The following PLEKHA3 variants were observed in gnomAD, a reference collection of about 807,000 sequenced individuals.
PLEKHA3 encodes the protein pleckstrin homology domain-containing family A member 3.
Under a neutral mutation model 39.2 loss-of-function variants are expected in PLEKHA3, and 19 were observed. The observed-to-expected ratio is 0.48, with a 90% CI of 0.34 to 0.71. The LOEUF is 0.71. PLEKHA3 is among the 30% of genes least tolerant of loss of function. The pLI is 0.01. For missense variants in PLEKHA3, 253 were observed against 359.5 expected (o/e 0.70, Z 2.40); for synonymous variants, 97 against 118.6 (o/e 0.82, Z 1.18).
At chr2:178,503,059 T>C (rs1385523934) in intron 7 of PLEKHA3, among the ~76,000 whole-genome samples, 2 of 152,064 alleles carry the variant, frequency 1.3e-5, no homozygotes, top group Non-Finnish European at 2.9e-5. Flanking sequence ...ACTGCTTCTA[T>C]TTTCTTTAAC....
At chr2:178,492,655 A>G (rs73036332) in intron 3 of PLEKHA3, among the ~76,000 whole-genome samples, 13,816 of 151,744 alleles carry the variant, frequency 0.091, 1,289 homozygotes, top group African/African-American at 0.24. Context: ...CTAATCACAG[A>G]AGGACATATA....
rs1485409009 is a variant in PLEKHA3, at chr2:178,506,940, T to A, written c.*3053T>A. ...TTTGAATTCATGTTGAATTCTTAACTTGAAATTCTGTTGTTTTTTTTTTAA... is the reference window on the plus strand; with the variant it reads ...TTTGAATTCATGTTGAATTCTTAACATGAAATTCTGTTGTTTTTTTTTTAA... On this transcript the variant is annotated 3_prime_UTR_variant, in exon 8 of 8. Coordinates refer to ENST00000234453, the MANE Select transcript of PLEKHA3 (RefSeq NM_019091.4). 1 of 152,198 alleles carries A rather than the reference T, an allele frequency of 6.6e-6. No individual in the cohort carries two copies. Among genetic ancestry groups the A allele is most frequent in the African/African-American group, 2.4e-5 (1 of 41,454 alleles). 9.4% of individuals were successfully genotyped at this position (152,198 alleles called of 1,614,324 possible).
chr2:178,483,202 T>G (rs1685199910), intron 1 of PLEKHA3, among the ~76,000 whole-genome samples: 1 of 151,942 alleles, frequency 6.6e-6, no homozygotes, highest in African/African-American at 2.4e-5. Context: ...GAGGTTACAG[T>G]GAGCCCACAT....
chr2:178,489,479 A>C (rs1248116822), intron 2 of PLEKHA3, among the ~76,000 whole-genome samples: 1 of 92,774 alleles, frequency 1.1e-5, no homozygotes, highest in Non-Finnish European at 1.9e-5. Flanking sequence ...TTTTTTTGAG[A>C]CAGGGTCTTG....
rs1331287453 is a variant in PLEKHA3 at position 178,480,769 on chromosome 2, G to T, written c.-101G>T. 5 of 1,052,796 alleles carry T rather than the reference G, an allele frequency of 4.7e-6. No individual in the cohort carries two copies. Among genetic ancestry groups the T allele is most frequent in the African/African-American group, 1.6e-5 (1 of 60,988 alleles). The allele number at this position is 1,052,796 out of a possible 1,614,324, so 65.2% of individuals were successfully genotyped here. A position where few individuals can be genotyped will look rare whatever the true frequency, so the allele number is the denominator to read the frequency against. ...GAAAGCGGCTTCGTGCCGGCGGAGG[G>T]GGCCCGGGCGGGCCGGGAGGGGCTG... On this transcript the variant is annotated 5_prime_UTR_variant, in exon 1 of 8. Transcript: ENST00000234453.
At chr2:178,481,467 T>G (rs1685162399) in intron 1 of PLEKHA3, among the ~76,000 whole-genome samples, 1 of 152,172 alleles carries the variant, frequency 6.6e-6, no homozygotes, top group Non-Finnish European at 1.5e-5. Context: ...ATCCTTACGT[T>G]GGGGAATTCT....
In PLEKHA3 at chr2:178,495,638, T is replaced by C; in HGVS notation, c.593T>C (p.Val198Ala). 1 of 1,611,986 alleles carries C rather than the reference T, an allele frequency of 6.2e-7. No homozygotes were observed. Reference sequence around the variant, plus strand: ...CATCCGGATCCCTTAGTTTCTCCTGTGTCACCTTCTCCTGTTCAAATGGTT... The same window carrying C: ...CATCCGGATCCCTTAGTTTCTCCTGCGTCACCTTCTCCTGTTCAAATGGTT... Reference protein sequence around the residue: ...LHHPDPLVSPVSPSPVQMMKR... With the variant: ...LHHPDPLVSPASPSPVQMMKR... Residue 198 changes from valine (V) to alanine (A), a missense_variant, in exon 5 of 8, where the codon GTG becomes GCG. Physicochemically the swap from Val to Ala is moderately conservative, Grantham distance 64. Transcript: ENST00000234453.
At position 178,508,170 on chromosome 2, in the gene PLEKHA3, A is replaced by G. The variant is rs373858448; in HGVS notation, c.*4283A>G. ...CTGTTATTTGAATGTTGGACCTCCCAGAGTTGGACCGCCTCTAAATTTAAA... is the reference window on the plus strand; with the variant it reads ...CTGTTATTTGAATGTTGGACCTCCCGGAGTTGGACCGCCTCTAAATTTAAA... On this transcript the variant is annotated 3_prime_UTR_variant, in exon 8 of 8. Coordinates refer to ENST00000234453, the MANE Select transcript of PLEKHA3 (RefSeq NM_019091.4). The G allele has an allele frequency of 5.2e-5, 8 of 153,294 alleles. No individual in the cohort carries two copies. Among genetic ancestry groups the G allele is most frequent in the African/African-American group, 1.9e-4 (8 of 41,416 alleles). The allele number at this position is 153,294 out of a possible 1,614,324, so 9.5% of individuals were successfully genotyped here.
At position 178,501,116 on chromosome 2, in the gene PLEKHA3, C is replaced by T. The variant is rs564804334; in HGVS notation, c.715C>T (p.Arg239Cys). The T allele has an allele frequency of 1.2e-5, 19 of 1,613,348 alleles. No homozygotes were observed. The highest frequency in any genetic ancestry group is 6.6e-5 in the South Asian group (6 of 91,052). The change falls in exon 7 of 8, where the codon CGC becomes TGC. Residue 239 changes from arginine to cysteine, a missense_variant. Physicochemically the swap from Arg to Cys is radical, Grantham distance 180 (BLOSUM62 -3). This residue lies in a region of PLEKHA3 where 127 missense variants were observed against 136.8 expected (regional missense o/e 0.93). Transcript: ENST00000234453. ...VSTLHRLSQR[R>C]RRTYSDTDSC... Reference sequence around the variant, plus strand: ...TACACTTCACCGACTCTCCCAGCGACGCCGAAGAACCTACTCAGATACAGA... The same window carrying T: ...TACACTTCACCGACTCTCCCAGCGATGCCGAAGAACCTACTCAGATACAGA...
At position 178,507,668 on chromosome 2, in the gene PLEKHA3, T is replaced by C. The variant is rs1312000491; in HGVS notation, c.*3781T>C. 2 of 88,518 alleles carry C rather than the reference T, an allele frequency of 2.3e-5. No individual in the cohort carries two copies. The highest frequency in any genetic ancestry group is 2.1e-5 in the Non-Finnish European group (1 of 48,688). 5.5% of individuals were successfully genotyped at this position (88,518 alleles called of 1,614,324 possible). ...TTAGTCTCACATTAGGTTTTTTTTT[T>C]TTTTTTTTTTTTTTTTTTTTTTTTT... On this transcript the variant is annotated 3_prime_UTR_variant, in exon 8 of 8. Coordinates refer to ENST00000234453, the MANE Select transcript of PLEKHA3 (RefSeq NM_019091.4).
intron 3 of PLEKHA3, among the ~76,000 whole-genome samples, chr2:178,492,612 T>TA (rs1280941071): frequency 6.9e-6 from 1 of 143,962 alleles, no homozygotes; most frequent in Non-Finnish European, 1.5e-5. Context: ...CCCTAAAACT[T>TA]AAAGTATAAT....
intron 3 of PLEKHA3, among the ~76,000 whole-genome samples, chr2:178,493,010 G>T (rs1685378049): frequency 6.6e-6 from 1 of 152,222 alleles, no homozygotes; most frequent in Admixed American, 6.5e-5. Flanking sequence ...TGCGCAGATA[G>T]AGCTGCTTTG....
At position 178,515,680 on chromosome 2, in the gene PLEKHA3, A is replaced by G. The variant is rs1229469880; in HGVS notation, c.*11793A>G. ...ACTCACTAAGTGTTATGTTGCTAGT[A>G]TTTATCTTTGCTTTCTAATTATTTT... On this transcript the variant is annotated 3_prime_UTR_variant, in exon 8 of 8. Transcript: ENST00000234453. 6.6e-6 allele frequency: 1 copy of G among 152,030 alleles called. No individual in the cohort carries two copies. The highest frequency in any genetic ancestry group is 1.5e-5 in the Non-Finnish European group (1 of 67,954). The allele number at this position is 152,030 out of a possible 1,614,324, so 9.4% of individuals were successfully genotyped here.
chr2:178,509,562 C>T lies in PLEKHA3; in HGVS notation c.*5675C>T, dbSNP rs1685651566. On this transcript the variant is annotated 3_prime_UTR_variant, in exon 8 of 8. Coordinates refer to ENST00000234453, the MANE Select transcript of PLEKHA3 (RefSeq NM_019091.4). ...GAGTGATCTCAGCTCACTGCAGTCT[C>T]GACCTCCCAGGCTCAAATGATCCTT... is the stretch of plus-strand genomic sequence containing the variant. The T allele has an allele frequency of 1.3e-5, 2 of 151,346 alleles. No homozygotes were observed. The highest frequency in any genetic ancestry group is 6.6e-5 in the Admixed American group (1 of 15,180). The allele number at this position is 151,346 out of a possible 1,614,324, so 9.4% of individuals were successfully genotyped here.
chr2:178,497,227 T>C (rs1685463243), intron 5 of PLEKHA3, among the ~76,000 whole-genome samples: 1 of 150,996 alleles, frequency 6.6e-6, no homozygotes, highest in South Asian at 2.1e-4. Flanking sequence ...AAATACTATA[T>C]ATGTATATAT....
At chr2:178,485,256 C>T (rs1202168347) in intron 1 of PLEKHA3, among the ~76,000 whole-genome samples, 2 of 152,172 alleles carry the variant, frequency 1.3e-5, no homozygotes, top group African/African-American at 4.8e-5. Context: ...GGCTAGAACC[C>T]TTGTCTTCTG....
Position 178,514,593 on chromosome 2 carries a change from A to G in PLEKHA3, c.*10706A>G, listed in dbSNP as rs1685733691. The G allele has an allele frequency of 1.3e-5, 2 of 152,026 alleles. No individual in the cohort carries two copies. 9.4% of individuals were successfully genotyped at this position (152,026 alleles called of 1,614,324 possible). A position where few individuals can be genotyped will look rare whatever the true frequency, so the allele number is the denominator to read the frequency against. On this transcript the variant is annotated 3_prime_UTR_variant, in exon 8 of 8. Transcript: ENST00000234453. ...GCATATGTATGTATAAGTAATGTGT[A>G]TATCCTTCACTTATTAATAGTGCCT...
intron 4 of PLEKHA3, among the ~76,000 whole-genome samples, chr2:178,494,762 C>T (rs950045042): frequency 2.0e-5 from 3 of 152,048 alleles, no homozygotes; most frequent in Non-Finnish European, 4.4e-5. Flanking sequence ...CTCCTAATGC[C>T]CCAGGTGTCA....
intron 1 of PLEKHA3, among the ~76,000 whole-genome samples, chr2:178,481,180 C>T (rs764275695): frequency 1.8e-4 from 27 of 152,188 alleles, no homozygotes; most frequent in Non-Finnish European, 3.7e-4. Context: ...AATTCTCAGT[C>T]ACCCTACATG....
Sources: gnomAD v4.1 joint callset for allele counts (sites outside exome capture counted in the v4.1 genomes callset) on GRCh38, gnomAD v4.1.1 for gene constraint, gnomAD v4.1.1 regional missense constraint, MANE v1.5 for transcripts, NCBI Gene and HGNC (gene_info 2026-07-23, HGNC 2026-07-21) for gene names.